PRR23E: variants seen among roughly 807,000 people sequenced by gnomAD.
The protein encoded by PRR23E is proline-rich protein 23E.
At chr3:127,193,467 C>T in the PRR23E span, among the ~76,000 whole-genome samples, 21 of 152,040 alleles carry the variant, frequency 1.4e-4, no homozygotes, top group African/African-American at 5.1e-4. Context: ...CGCGTCGCAC[C>T]CCACCCTATG....
chr3:127,196,501 C>T, the PRR23E span: 1 of 944,244 alleles, frequency 1.1e-6, no homozygotes, highest in African/African-American at 1.7e-5. Context: ...GCTCTTCTGT[C>T]ACCTCACCCC....
At chr3:127,197,350 C>G in the PRR23E span, 462 of 1,591,610 alleles carry the variant, frequency 2.9e-4, no homozygotes, top group Non-Finnish European at 3.7e-4. Flanking sequence ...CAGCTGGACC[C>G]GGGCTGCTCC....
chr3:127,198,144 A>G, the PRR23E span: 4 of 152,222 alleles, frequency 2.6e-5, no homozygotes, highest in Non-Finnish European at 5.9e-5. Flanking sequence ...TGTACAGTGC[A>G]TGCTTTTAAA....
the PRR23E span, chr3:127,197,279 A>T: frequency 3.1e-6 from 5 of 1,599,296 alleles, no homozygotes; most frequent in Non-Finnish European, 4.2e-6. Flanking sequence ...GTATTTGGGC[A>T]CCTTTGCCCT....
chr3:127,197,062 A>G, the PRR23E span: 15 of 1,596,246 alleles, frequency 9.4e-6, no homozygotes, highest in East Asian at 2.2e-5. Flanking sequence ...TTGGCCCCCA[A>G]CCTATTTCCT....
At chr3:127,197,351 G>C in the PRR23E span, 3 of 1,591,748 alleles carry the variant, frequency 1.9e-6, no homozygotes, top group South Asian at 3.3e-5. Flanking sequence ...AGCTGGACCC[G>C]GGCTGCTCCC....
At chr3:127,195,113 G>T in the PRR23E span, among the ~76,000 whole-genome samples, 1 of 152,110 alleles carries the variant, frequency 6.6e-6, no homozygotes. Context: ...TCCAGTTTCC[G>T]CTGTAACTGT....
At chr3:127,196,819 C>A in the PRR23E span, 2 of 1,598,604 alleles carry the variant, frequency 1.3e-6, no homozygotes, top group Non-Finnish European at 8.5e-7. Flanking sequence ...GGTTCCTGTA[C>A]CTGCTTGGGA....
the PRR23E span, among the ~76,000 whole-genome samples, chr3:127,194,905 G>A: frequency 2.6e-4 from 39 of 152,200 alleles, 1 homozygote. Flanking sequence ...CCATTCGGGA[G>A]GAAATGAATG....
the PRR23E span, chr3:127,198,072 G>A: frequency 6.6e-6 from 1 of 152,160 alleles, no homozygotes; most frequent in African/African-American, 2.4e-5. Flanking sequence ...GTCCTTGCGG[G>A]TGTGCTCTTC....
At chr3:127,195,890 G>T in the PRR23E span, among the ~76,000 whole-genome samples, 1 of 152,190 alleles carries the variant, frequency 6.6e-6, no homozygotes. Context: ...TCCTCTGGGG[G>T]ACCTTCGTTT....
chr3:127,196,730 C>T, the PRR23E span: 1 of 1,594,398 alleles, frequency 6.3e-7, no homozygotes, highest in South Asian at 1.1e-5. Flanking sequence ...AGAAGGTCCG[C>T]CGTGCCTTCG....
the PRR23E span, chr3:127,196,524 T>G: frequency 2.1e-6 from 2 of 964,296 alleles, no homozygotes; most frequent in Non-Finnish European, 1.4e-6. Context: ...GCTGTCCCCC[T>G]CCTCCCATCC....
the PRR23E span, chr3:127,197,373 C>T: frequency 1.3e-5 from 21 of 1,575,500 alleles, no homozygotes; most frequent in Admixed American, 6.9e-5. Context: ...CTCCTCCTCC[C>T]GGTCACCCTG....
At chr3:127,194,234 A>G in the PRR23E span, among the ~76,000 whole-genome samples, 1 of 152,194 alleles carries the variant, frequency 6.6e-6, no homozygotes, top group African/African-American at 2.4e-5. Flanking sequence ...TAACTCTTGC[A>G]GGGGTGTCCA....
the PRR23E span, chr3:127,196,676 C>G: frequency 2.0e-5 from 31 of 1,580,872 alleles, no homozygotes; most frequent in Non-Finnish European, 2.6e-5. Context: ...AAGAGCACAG[C>G]TCATCTAAGA....
At chr3:127,197,092 C>G in the PRR23E span, 1 of 1,598,064 alleles carries the variant, frequency 6.3e-7, no homozygotes, top group African/African-American at 1.3e-5. Flanking sequence ...AAATTCCCAC[C>G]CACCTACTCC....
the PRR23E span, chr3:127,196,609 G>C: frequency 2.7e-6 from 4 of 1,470,276 alleles, no homozygotes; most frequent in Non-Finnish European, 3.6e-6. Context: ...AGCCCCGTGA[G>C]GTGCGTGTGG....
the PRR23E span, chr3:127,196,490 G>A: frequency 1.2e-6 from 1 of 824,020 alleles, no homozygotes; most frequent in South Asian, 2.0e-5. Flanking sequence ...CCTTGATCTT[G>A]GCTCTTCTGT....
Sources: gnomAD v4.1 joint callset for allele counts (sites outside exome capture counted in the v4.1 genomes callset) on GRCh38, gnomAD v4.1.1 for gene constraint, MANE v1.5 for transcripts, NCBI Gene and HGNC (gene_info 2026-07-23, HGNC 2026-07-21) for gene names.